ADGRB3: variants seen among roughly 807,000 people sequenced by gnomAD.
The protein encoded by ADGRB3 is brain-specific angiogenesis inhibitor 3.
A neutral mutation model predicts 193.4 loss-of-function variants in ADGRB3; 37 were observed. That is an observed-to-expected ratio of 0.19 (90% CI 0.15 to 0.25). The LOEUF (loss-of-function observed/expected upper bound fraction) is 0.25. Ranked by LOEUF, ADGRB3 falls within the 10% of genes least tolerant of loss-of-function variation. The pLI, the probability that ADGRB3 is intolerant of heterozygous loss-of-function variation, is 1.00. For synonymous variants in ADGRB3, 690 were observed against 644.2 expected (o/e 1.07, Z -1.08); for missense variants, 1,637 against 1,852.9 (o/e 0.88, Z 2.14).
intron 3 of ADGRB3, among the ~76,000 whole-genome samples, chr6:68,828,843 G>A (rs187741934): frequency 6.9e-4 from 105 of 152,160 alleles, no homozygotes; most frequent in African/African-American, 2.4e-3. Flanking sequence ...CCATAACCAC[G>A]GGATAGAGTC....
At chr6:69,144,944 G>T (rs1294729835) in intron 17 of ADGRB3, among the ~76,000 whole-genome samples, 1 of 92,622 alleles carries the variant, frequency 1.1e-5, no homozygotes, top group Non-Finnish European at 2.3e-5. Flanking sequence ...ATCTTTGTCT[G>T]GTTTTGCTAT....
intron 3 of ADGRB3, among the ~76,000 whole-genome samples, chr6:68,777,314 C>T (rs1348212834): frequency 5.9e-5 from 9 of 152,054 alleles, no homozygotes; most frequent in African/African-American, 1.4e-4. Context: ...TATCTTCAAA[C>T]GTCAACATTT....
intron 3 of ADGRB3, among the ~76,000 whole-genome samples, chr6:68,754,543 A>G (rs1368375587): frequency 1.3e-5 from 2 of 152,200 alleles, no homozygotes; most frequent in Admixed American, 6.5e-5. Flanking sequence ...TTGTTTTAAC[A>G]TAGCACCTGA....
At chr6:69,066,102 G>C (rs1368981325) in intron 16 of ADGRB3, among the ~76,000 whole-genome samples, 1 of 151,508 alleles carries the variant, frequency 6.6e-6, no homozygotes, top group Middle Eastern at 3.2e-3. Context: ...CCAACCCCCT[G>C]TGGATGACAA....
At chr6:69,037,186 A>G (rs983792232) in intron 13 of ADGRB3, among the ~76,000 whole-genome samples, 2 of 152,182 alleles carry the variant, frequency 1.3e-5, no homozygotes, top group African/African-American at 4.8e-5. Context: ...GTCTGAGTAC[A>G]TGGTGGCACC....
chr6:69,058,107 G>A (rs1450546542), intron 15 of ADGRB3, among the ~76,000 whole-genome samples: 1 of 151,516 alleles, frequency 6.6e-6, no homozygotes, highest in African/African-American at 2.4e-5. Context: ...TGATTCAATC[G>A]CTTTACTAGT....
At chr6:69,213,882 A>G (rs1765717856) in intron 17 of ADGRB3, among the ~76,000 whole-genome samples, 1 of 151,992 alleles carries the variant, frequency 6.6e-6, no homozygotes, top group Non-Finnish European at 1.5e-5. Flanking sequence ...CTCATTTACC[A>G]CCCAATATGT....
At chr6:69,070,789 C>A (rs886425935) in intron 16 of ADGRB3, among the ~76,000 whole-genome samples, 2 of 152,148 alleles carry the variant, frequency 1.3e-5, no homozygotes, top group Non-Finnish European at 2.9e-5. Context: ...ATTAATATAT[C>A]AAGAGTGTGA....
chr6:68,865,073 C>T (rs1371058931), intron 3 of ADGRB3, among the ~76,000 whole-genome samples: 1 of 152,084 alleles, frequency 6.6e-6, no homozygotes, highest in Non-Finnish European at 1.5e-5. Context: ...TTATTTGTAT[C>T]TCTGGTTCTA....
At chr6:69,126,373 C>G (rs1251725615) in intron 17 of ADGRB3, among the ~76,000 whole-genome samples, 1 of 152,088 alleles carries the variant, frequency 6.6e-6, no homozygotes, top group Non-Finnish European at 1.5e-5. Flanking sequence ...GCTAGAGAAC[C>G]AGGAACGTTG....
At chr6:69,315,276 A>G (rs985645991) in intron 20 of ADGRB3, among the ~76,000 whole-genome samples, 16 of 151,262 alleles carry the variant, frequency 1.1e-4, no homozygotes, top group Non-Finnish European at 2.1e-4. Flanking sequence ...AGTTATTTAA[A>G]CTCTCTGAGC....
At chr6:69,118,840 TAATA>T (rs1332394483) in intron 17 of ADGRB3, among the ~76,000 whole-genome samples, 34 of 152,164 alleles carry the variant, frequency 2.2e-4, no homozygotes, top group Non-Finnish European at 2.2e-4. Flanking sequence ...TGATTTTTAA[TAATA>T]AATAACCAAA....
chr6:68,761,172 A>G (rs953150777), intron 3 of ADGRB3, among the ~76,000 whole-genome samples: 1 of 152,178 alleles, frequency 6.6e-6, no homozygotes, highest in African/African-American at 2.4e-5. Context: ...AATTCGGATC[A>G]CATACCCTGT....
chr6:68,690,206 C>T lies in ADGRB3; in HGVS notation c.757+50774C>T, dbSNP rs933941775. The stretch of plus-strand genomic sequence containing the variant: ...GTGAGTGATTAATGCAGATACAAAG[C>T]TTAGCCTTTACGTGCTACTGAGCTG... On this transcript the variant is annotated intron_variant, in intron 3 of 31. Coordinates refer to ENST00000370598, the MANE Select transcript of ADGRB3 (RefSeq NM_001704.3). Among the ~76,000 whole-genome samples, 3 of 152,222 alleles carry T rather than the reference C, an allele frequency of 2.0e-5. No homozygotes were observed. The South Asian group carries it at 6.2e-4, about 32-fold the overall frequency.
At chr6:69,238,904 A>G (rs1347691773) in intron 19 of ADGRB3, among the ~76,000 whole-genome samples, 1 of 152,034 alleles carries the variant, frequency 6.6e-6, no homozygotes, top group Non-Finnish European at 1.5e-5. Context: ...CTAAGAAAAA[A>G]AAATTCTAAA....
chr6:68,672,047 T>C (rs1768975045), intron 3 of ADGRB3, among the ~76,000 whole-genome samples: 1 of 152,032 alleles, frequency 6.6e-6, no homozygotes, highest in African/African-American at 2.4e-5. Context: ...CAGTTTATAG[T>C]CATTTAGTTG....
chr6:69,139,796 A>G (rs1245404911), intron 17 of ADGRB3, among the ~76,000 whole-genome samples: 1 of 152,258 alleles, frequency 6.6e-6, no homozygotes, highest in Non-Finnish European at 1.5e-5. Flanking sequence ...TGTCTTAACC[A>G]CAACTAGTGT....
At chr6:68,644,043 A>G (rs1485476971) in intron 3 of ADGRB3, among the ~76,000 whole-genome samples, 2 of 152,018 alleles carry the variant, frequency 1.3e-5, no homozygotes, top group African/African-American at 4.8e-5. Context: ...GAGGCTTTCA[A>G]TTATCCAGCA....
intron 3 of ADGRB3, among the ~76,000 whole-genome samples, chr6:68,923,995 C>G (rs13207808): frequency 0.34 from 50,955 of 151,924 alleles, 9,567 homozygotes; most frequent in Middle Eastern, 0.53. Flanking sequence ...TATTTTGCCA[C>G]TGGTATGCTA....
Sources: gnomAD v4.1 joint callset for allele counts (sites outside exome capture counted in the v4.1 genomes callset) on GRCh38, gnomAD v4.1.1 for gene constraint, MANE v1.5 for transcripts, NCBI Gene and HGNC (gene_info 2026-07-23, HGNC 2026-07-21) for gene names.